The following SH2B1 variants were observed in gnomAD, a reference collection of about 807,000 sequenced individuals.
SH2B1 encodes the protein SH2B adaptor protein 1, also known as SH2B adapter protein 1.
Under a neutral mutation model 62.6 loss-of-function variants are expected in SH2B1, and 15 were observed. That is an observed-to-expected ratio of 0.24 (90% CI 0.16 to 0.37). SH2B1 has a LOEUF of 0.37. SH2B1 is among the 10% of genes least tolerant of loss of function. SH2B1 has a pLI of 1.00. For missense variants in SH2B1, 925 were observed against 1,015.6 expected (o/e 0.91, Z 1.21); for synonymous variants, 443 against 438.0 (o/e 1.01, Z -0.14).
In SH2B1 at chr16:28,874,002, T is replaced by A. The variant is rs1963195669; in HGVS notation, c.*182T>A. On this transcript the variant is annotated 3_prime_UTR_variant, in exon 8 of 8. Transcript: ENST00000684370. The stretch of plus-strand genomic sequence containing the variant: ...CTCCCGTCACACACTACAGGTCCCC[T>A]CCCCAGGGCAGGGGATTTGGGCTCC... The A allele has an allele frequency of 2.0e-6, 1 of 497,402 alleles. No individual in the cohort carries two copies. The highest frequency in any genetic ancestry group is 3.2e-6 in the Non-Finnish European group (1 of 315,702). The allele number at this position is 497,402 out of a possible 1,614,324, so 30.8% of individuals were successfully genotyped here. A position where few individuals can be genotyped will look rare whatever the true frequency, so the allele number is the denominator to read the frequency against.
Position 28,866,983 on chromosome 16 carries a change from G to A in SH2B1, c.889G>A (p.Glu297Lys), listed in dbSNP as rs376636483. The change falls in exon 1 of 8, where the codon GAA becomes AAA. Residue 297 changes from glutamate to lysine, a missense_variant. Around this residue, in one of 3 missense-constraint regions of SH2B1, gnomAD observed 683 missense variants for 704.0 expected, o/e 0.97. Coordinates refer to ENST00000684370, the MANE Select transcript of SH2B1 (RefSeq NM_001387430.1). The surrounding 1 kb of genome is among the most constrained non-coding windows in gnomAD (Gnocchi z 6.3). ...GAAGTGTCGCCTGCTGCTTCGAAGT[G>A]AAGGAGAAGGAGGAGGAGGAAGTCG... ...WQKCRLLLRS[E>K]GEGGGGSRLE... 5 of 1,604,050 alleles carry A rather than the reference G, an allele frequency of 3.1e-6. No homozygotes were observed. The highest frequency in any genetic ancestry group is 4.2e-6 in the Non-Finnish European group (5 of 1,179,924).
Position 28,866,486 on chromosome 16 carries a change from G to A in SH2B1, c.392G>A (p.Gly131Asp). 1 of 1,614,000 alleles carries A rather than the reference G, an allele frequency of 6.2e-7. No individual in the cohort carries two copies. The highest frequency in any genetic ancestry group is 8.5e-7 in the Non-Finnish European group (1 of 1,179,994). ...TCTCGATCATCTGAGGACCTGGCCG[G>A]CCCCCTCCCTTCCTCAGTCTCTTCC... ...GPSRSSEDLA[G>D]PLPSSVSSSS... is the part of the protein sequence containing the mutation. The change falls in exon 1 of 8, where the codon GGC becomes GAC. Residue 131 changes from glycine to aspartate, a missense_variant. Physicochemically the swap from Gly to Asp is moderately conservative, Grantham distance 94 (BLOSUM62 -1). Coordinates refer to ENST00000684370, the MANE Select transcript of SH2B1 (RefSeq NM_001387430.1). This position sits in a 1 kb window ranked among gnomAD's most constrained non-coding sequence, Gnocchi z 6.3.
At chr16:28,857,904 G>A (rs779775538) in intron 1 of SH2B1, among the ~76,000 whole-genome samples, 1 of 151,936 alleles carries the variant, frequency 6.6e-6, no homozygotes, top group Non-Finnish European at 1.5e-5. Flanking sequence ...CACACCTGGC[G>A]AATTTTTGGT....
At position 28,871,362 on chromosome 16, in the gene SH2B1, G is replaced by A. The variant is rs534082719; in HGVS notation, c.1310-418G>A. 7.2e-4 allele frequency among the ~76,000 whole-genome samples: 109 copies of A among 152,224 alleles called. 1 individual carries two copies. The highest frequency in any genetic ancestry group is 2.6e-3 in the African/African-American group (106 of 41,536). ...CAAAATATTTGAGGCAGCTGGGCACGGTGGCTCACGCCTGTAATCCCAGAG... is the reference window on the plus strand; with the variant it reads ...CAAAATATTTGAGGCAGCTGGGCACAGTGGCTCACGCCTGTAATCCCAGAG... On this transcript the variant is annotated intron_variant, in intron 4 of 7. Coordinates refer to ENST00000684370, the MANE Select transcript of SH2B1 (RefSeq NM_001387430.1).
At position 28,872,102 on chromosome 16, in the gene SH2B1, G is replaced by A. The variant is rs940473283; in HGVS notation, c.1514-88G>A. Reference sequence around the variant, plus strand: ...TTGGGGACGCATGTGGGGAGCAGGCGCCTTGAGGGGAAGGCAAGGCTTTTT... The same window carrying A: ...TTGGGGACGCATGTGGGGAGCAGGCACCTTGAGGGGAAGGCAAGGCTTTTT... On this transcript the variant is annotated intron_variant, in intron 5 of 7. Transcript: ENST00000684370. This position sits in a 1 kb window ranked among gnomAD's most constrained non-coding sequence, Gnocchi z 5.3. The A allele has an allele frequency of 3.4e-5, 48 of 1,413,552 alleles. No homozygotes were observed. The highest frequency in any genetic ancestry group is 2.7e-4 in the African/African-American group (19 of 69,850). 87.6% of individuals were successfully genotyped at this position (1,413,552 alleles called of 1,614,324 possible). A position where few individuals can be genotyped will look rare whatever the true frequency, so the allele number is the denominator to read the frequency against.
In SH2B1 at chr16:28,867,445, C is replaced by T. The variant is rs1962778681; in HGVS notation, c.1041+13C>T. On this transcript the variant is annotated intron_variant, in intron 2 of 7. Transcript: ENST00000684370. ...GTTTGTGGTTAAGGTAGGAATTCAA[C>T]TTCCCAGCCGCCGGCAGTGCTTGTG... is the stretch of plus-strand genomic sequence containing the variant. 1.3e-6 allele frequency: 2 copies of T among 1,594,844 alleles called. No homozygotes were observed. The highest frequency in any genetic ancestry group is 2.2e-5 in the East Asian group (1 of 44,780).
upstream of SH2B1, chr16:28,863,374 G>C (rs1166076173): frequency 6.4e-6 from 2 of 314,666 alleles, no homozygotes; most frequent in Non-Finnish European, 1.2e-5. Flanking sequence ...TCCCCGCAGG[G>C]CCTCCCCAAG....
chr16:28,853,076 AT>A (rs1293543850), intron 1 of SH2B1, among the ~76,000 whole-genome samples: 1 of 117,440 alleles, frequency 8.5e-6, no homozygotes, highest in South Asian at 2.3e-4. Context: ...GTACATATAT[AT>A]TTATATATAT....
In SH2B1 at chr16:28,855,647, A is replaced by ATTTTT. The variant is rs370910681; in HGVS notation, c.-300-5965_-300-5961dup. On this transcript the variant is annotated intron_variant, in intron 1 of 10. Coordinates refer to the SH2B1 transcript ENST00000322610. ...TAAGAACTTATTTATTTATTTATTT[A>ATTTTT]TTTTTTTTTTGAGACAGAGTCTTGT... Among the ~76,000 whole-genome samples, 212 of 145,078 alleles carry ATTTTT rather than the reference A, an allele frequency of 1.5e-3. 2 individuals are homozygous for ATTTTT. Among genetic ancestry groups the ATTTTT allele is most frequent in the Admixed American group, 0.01 (148 of 14,370 alleles).
In SH2B1 at chr16:28,854,558, C is replaced by G. The variant is rs1045485879; in HGVS notation, c.-300-7060C>G. 1.1e-4 allele frequency among the ~76,000 whole-genome samples: 16 copies of G among 151,982 alleles called. No homozygotes were observed. The East Asian group carries it at 3.1e-3, about 29-fold the overall frequency. ...ATTGCTTGAGCCCAAGAGTTTGAGA[C>G]CAGCCTGGGCAACATGGCAAGAACC... On this transcript the variant is annotated intron_variant, in intron 1 of 10. Transcript: ENST00000322610.
rs991406268 is a variant in SH2B1 at position 28,872,410 on chromosome 16, C to T, written c.1725+9C>T. ...TCCAGGGCAAGGCCAAGGTGAGCCACCCTGTGGGAAAGGCTCTGTTCTGTG... is the reference window on the plus strand; with the variant it reads ...TCCAGGGCAAGGCCAAGGTGAGCCATCCTGTGGGAAAGGCTCTGTTCTGTG... On this transcript the variant is annotated intron_variant, in intron 6 of 7. Transcript: ENST00000684370. The surrounding 1 kb of genome is among the most constrained non-coding windows in gnomAD (Gnocchi z 5.3). 1.8e-5 allele frequency: 28 copies of T among 1,593,452 alleles called. No homozygotes were observed. The highest frequency in any genetic ancestry group is 2.1e-5 in the Non-Finnish European group (25 of 1,168,432).
In SH2B1 at chr16:28,869,236, A is replaced by G. The variant is rs200233389; in HGVS notation, c.1162A>G (p.Met388Val). Residue 388 changes from methionine to valine, a missense_variant, in exon 4 of 8, where the codon ATG becomes GTG. Physicochemically the swap from Met to Val is conservative, Grantham distance 21. This residue lies in a region of SH2B1 where 683 missense variants were observed against 704.0 expected (regional missense o/e 0.97). Coordinates refer to ENST00000684370, the MANE Select transcript of SH2B1 (RefSeq NM_001387430.1). ...CTGCCCTGCTACCAGTCCCCGCCCCATGACCCTCCCTCTGGCCCCTGGGAC... is the reference window on the plus strand; with the variant it reads ...CTGCCCTGCTACCAGTCCCCGCCCCGTGACCCTCCCTCTGGCCCCTGGGAC... Reference protein sequence around the residue: ...GPCPATSPRPMTLPLAPGTSF... With the variant: ...GPCPATSPRPVTLPLAPGTSF... 75 of 1,613,902 alleles carry G rather than the reference A, an allele frequency of 4.6e-5. No homozygotes were observed. Among genetic ancestry groups the G allele is most frequent in the Non-Finnish European group, 6.0e-5 (71 of 1,179,944 alleles).
rs116843110 is a variant in SH2B1 at position 28,850,635 on chromosome 16, G to A, written c.-301+3808G>A. On this transcript the variant is annotated intron_variant, in intron 1 of 10. Coordinates refer to the SH2B1 transcript ENST00000322610. ...AGAACTTTGGGACGCTAAGGTGGGC[G>A]GATCATGAGGTCAGGAGATCAAGAC... Among the ~76,000 whole-genome samples, 836 of 152,114 alleles carry A rather than the reference G, an allele frequency of 5.5e-3. 10 individuals are homozygous for A. Among genetic ancestry groups the A allele is most frequent in the East Asian group, 0.031 (160 of 5,154 alleles).
intron 1 of SH2B1, among the ~76,000 whole-genome samples, chr16:28,858,471 G>A (rs563388871): frequency 3.5e-4 from 53 of 152,160 alleles, no homozygotes; most frequent in East Asian, 1.9e-4. Context: ...AGCCAAGATC[G>A]CGCCACTGCA....
chr16:28,869,358 C>T lies in SH2B1; in HGVS notation c.1284C>T (p.Ser428=), dbSNP rs771739250. Residue 428 remains serine, a synonymous_variant, in exon 4 of 8, where the codon AGC becomes AGT. Coordinates refer to ENST00000684370, the MANE Select transcript of SH2B1 (RefSeq NM_001387430.1). ...GCCAGGACCTGCTGCTTGGACCCAG[C>T]GAGAGCAATGACCGCCTGTCGCAGG... ...LPSQDLLLGP[S]ESNDRLSQGA... The T allele has an allele frequency of 1.2e-5, 19 of 1,613,788 alleles. No homozygotes were observed. Among genetic ancestry groups the T allele is most frequent in the African/African-American group, 4.0e-5 (3 of 74,910 alleles).
chr16:28,859,874 C>G (rs1009837662), upstream of SH2B1, among the ~76,000 whole-genome samples: 1 of 108,526 alleles, frequency 9.2e-6, no homozygotes, highest in Non-Finnish European at 2.2e-5. Flanking sequence ...ATAGACCCCC[C>G]CCCCCCGGCT....
rs1205062757 is a variant in SH2B1, at chr16:28,863,899, C to G, written c.-2196C>G. The G allele has an allele frequency of 3.3e-6, 2 of 599,632 alleles. No individual in the cohort carries two copies. The highest frequency in any genetic ancestry group is 2.4e-6 in the Non-Finnish European group (1 of 412,218). The allele number at this position is 599,632 out of a possible 1,614,324, so 37.1% of individuals were successfully genotyped here. ...TGGGGGCGCAGGGAGCGGGAGCCGC[C>G]GCCGCCGCCGCCGCCGCCGGAGCTA... On this transcript the variant is annotated 5_prime_UTR_variant, in exon 1 of 8. Transcript: ENST00000684370.
chr16:28,861,853 G>A (rs1962453206), upstream of SH2B1: 1 of 152,348 alleles, frequency 6.6e-6, no homozygotes, highest in East Asian at 1.9e-4. Flanking sequence ...AAATTTCATT[G>A]GGAATCTCAG....
chr16:28,861,418 T>C (rs1454753401), upstream of SH2B1, among the ~76,000 whole-genome samples: 1 of 151,018 alleles, frequency 6.6e-6, no homozygotes, highest in Non-Finnish European at 1.5e-5. Flanking sequence ...CGTGAGCCAC[T>C]GCGCCCGGCC....
Sources: allele counts gnomAD v4.1 joint callset (sites outside exome capture counted in the v4.1 genomes callset), GRCh38; gene constraint gnomAD v4.1.1; regional missense constraint gnomAD v4.1.1; non-coding constraint Gnocchi (gnomAD v3.1); transcripts MANE v1.5; gene names NCBI Gene and HGNC (gene_info 2026-07-23, HGNC 2026-07-21).